KAZN: variants seen among roughly 807,000 people sequenced by gnomAD.
KAZN encodes the protein kazrin, periplakin interacting protein.
Under a neutral mutation model 87.4 loss-of-function variants are expected in KAZN, and 40 were observed. That is an observed-to-expected ratio of 0.46 (90% CI 0.36 to 0.60). The LOEUF (loss-of-function observed/expected upper bound fraction) is 0.60. Among genes scored for constraint, KAZN ranks in the 20% least tolerant of loss-of-function variants. The pLI, the probability that KAZN is intolerant of heterozygous loss-of-function variation, is 0.00. For synonymous variants in KAZN, 466 were observed against 458.3 expected (o/e 1.02, Z -0.22); for missense variants, 898 against 1,073.9 (o/e 0.84, Z 2.29).
At chr1:14,158,052 G>A (rs1205099484) in intron 1 of KAZN, among the ~76,000 whole-genome samples, 1 of 152,068 alleles carries the variant, frequency 6.6e-6, no homozygotes, top group Non-Finnish European at 1.5e-5. Context: ...ATTTGGATGG[G>A]GACATAGAGC....
intron 1 of KAZN, among the ~76,000 whole-genome samples, chr1:14,629,995 C>T (rs1341400037): frequency 1.4e-5 from 2 of 145,460 alleles, no homozygotes; most frequent in African/African-American, 5.1e-5. Context: ...GGTGTAAATA[C>T]ATATTTCTGC....
At chr1:15,010,686 G>A (rs896007843) in intron 2 of KAZN, among the ~76,000 whole-genome samples, 14 of 152,184 alleles carry the variant, frequency 9.2e-5, no homozygotes, top group African/African-American at 1.4e-4. Context: ...CACCACTCCC[G>A]GCCCGTCTTG....
intron 1 of KAZN, among the ~76,000 whole-genome samples, chr1:14,684,317 C>T (rs932670689): frequency 2.0e-4 from 30 of 152,126 alleles, no homozygotes; most frequent in Non-Finnish European, 2.8e-4. Context: ...CAAGTTTGAT[C>T]CCAGCTCCAC....
intron 1 of KAZN, among the ~76,000 whole-genome samples, chr1:14,744,207 G>A (rs1232401208): frequency 6.6e-6 from 1 of 152,104 alleles, no homozygotes; most frequent in Non-Finnish European, 1.5e-5. Context: ...ATTAATAATG[G>A]CTACAGAGAT....
chr1:13,897,078 A>AG (rs1639072989), intron 1 of KAZN, among the ~76,000 whole-genome samples: 1 of 151,390 alleles, frequency 6.6e-6, no homozygotes, highest in Non-Finnish European at 1.5e-5. Flanking sequence ...AAAGGTTGGC[A>AG]AGCTACATCC....
At chr1:14,054,092 T>C (rs1049502382) in intron 1 of KAZN, among the ~76,000 whole-genome samples, 12 of 151,546 alleles carry the variant, frequency 7.9e-5, no homozygotes, top group African/African-American at 2.9e-4. Context: ...TAGTGGTTTG[T>C]CCGTGAGTTT....
chr1:14,020,900 T>C (rs1242201176), intron 1 of KAZN, among the ~76,000 whole-genome samples: 2 of 151,976 alleles, frequency 1.3e-5, no homozygotes, highest in African/African-American at 4.8e-5. Flanking sequence ...GATGAGTCTT[T>C]GGAACCCGAG....
chr1:14,482,726 G>C (rs1448945692), intron 2 of KAZN, among the ~76,000 whole-genome samples: 6 of 152,106 alleles, frequency 3.9e-5, no homozygotes. Flanking sequence ...AACACTCTCT[G>C]AGAGCCAGCA....
chr1:14,988,555 T>A (rs1323703073), intron 2 of KAZN, among the ~76,000 whole-genome samples: 1 of 152,224 alleles, frequency 6.6e-6, no homozygotes, highest in Non-Finnish European at 1.5e-5. Context: ...CTAATTTTCC[T>A]GATGCGAGAA....
intron 13 of KAZN, 180 bp from the exon 14 acceptor site, chr1:15,112,247 A>C (rs777447254): frequency 8.3e-6 from 5 of 600,702 alleles, no homozygotes; most frequent in African/African-American, 1.8e-5. Context: ...TGTTGTGAGA[A>C]TCACGCTTAT....
chr1:14,696,129 C>T (rs948269042), intron 1 of KAZN, among the ~76,000 whole-genome samples: 3 of 152,166 alleles, frequency 2.0e-5, no homozygotes, highest in Non-Finnish European at 4.4e-5. Context: ...CACTCATCTC[C>T]TTCCCCCTAG....
chr1:15,038,604 C>G (rs1672578621), intron 3 of KAZN, among the ~76,000 whole-genome samples: 1 of 151,852 alleles, frequency 6.6e-6, no homozygotes, highest in Admixed American at 6.6e-5. Context: ...TTATTGTGCA[C>G]CTACTATATA....
chr1:14,727,677 G>T (rs1185402555), intron 1 of KAZN, among the ~76,000 whole-genome samples: 3 of 151,414 alleles, frequency 2.0e-5, no homozygotes, highest in African/African-American at 7.3e-5. Context: ...TGTTGGTCAG[G>T]CTGGTCTCGA....
At chr1:14,934,875 G>A (rs1660269089) in intron 1 of KAZN, among the ~76,000 whole-genome samples, 1 of 152,238 alleles carries the variant, frequency 6.6e-6, no homozygotes, top group Admixed American at 6.5e-5. Flanking sequence ...TGGCCCTGCA[G>A]CCACCTTCAC....
chr1:14,714,709 A>T (rs1349637324), intron 1 of KAZN, among the ~76,000 whole-genome samples: 1 of 151,892 alleles, frequency 6.6e-6, no homozygotes, highest in Non-Finnish European at 1.5e-5. Flanking sequence ...TCTTCCTGTG[A>T]GGAAGAGAGA....
At chr1:14,161,178 A>G (rs1157491808) in intron 1 of KAZN, among the ~76,000 whole-genome samples, 1 of 152,236 alleles carries the variant, frequency 6.6e-6, no homozygotes, top group African/African-American at 2.4e-5. Flanking sequence ...ACAGAATTCA[A>G]ATCTTCACCA....
intron 1 of KAZN, among the ~76,000 whole-genome samples, chr1:14,790,162 C>T (rs1737355): frequency 0.69 from 105,387 of 151,718 alleles, 36,684 homozygotes; most frequent in Non-Finnish European, 0.71. Context: ...GCCACATGTC[C>T]AGCTAATTTT....
chr1:14,368,870 T>C (rs57522638), intron 2 of KAZN, among the ~76,000 whole-genome samples: 17,819 of 152,216 alleles, frequency 0.12, 1,682 homozygotes, highest in African/African-American at 0.26. Flanking sequence ...GCTTTTTTTT[T>C]CTCCAAGTAC....
chr1:14,531,915 C>T (rs1042545360), intron 2 of KAZN, among the ~76,000 whole-genome samples: 2 of 152,136 alleles, frequency 1.3e-5, no homozygotes, highest in South Asian at 2.1e-4. Context: ...GGAGCCTCCC[C>T]GCGGGAGAGA....
Sources: gnomAD v4.1 joint callset for allele counts (sites outside exome capture counted in the v4.1 genomes callset) on GRCh38, gnomAD v4.1.1 for gene constraint, MANE v1.5 for transcripts, NCBI Gene and HGNC (gene_info 2026-07-23, HGNC 2026-07-21) for gene names.